The following GRIK1 variants were observed in gnomAD, a reference collection of about 807,000 sequenced individuals.
GRIK1 encodes the protein glutamate receptor ionotropic, kainate 1.
GRIK1 carries 69 observed loss-of-function variants against 105.7 expected under a neutral mutation model. The ratio of observed to expected loss-of-function variants is 0.65; its 90% confidence interval spans 0.54 to 0.80. The LOEUF (loss-of-function observed/expected upper bound fraction) is 0.80. Ranked by LOEUF, GRIK1 falls within the 30% of genes least tolerant of loss-of-function variation. The pLI is 0.00. For missense variants in GRIK1, 1,109 were observed against 1,167.3 expected (o/e 0.95, Z 0.73); for synonymous variants, 438 against 431.3 (o/e 1.02, Z -0.19).
In GRIK1 at chr21:29,939,688, T is replaced by C. The variant is rs962255539; in HGVS notation, c.-188A>G. 1.9e-6 allele frequency: 1 copy of C among 513,298 alleles called. No homozygotes were observed. Among genetic ancestry groups the C allele is most frequent in the African/African-American group, 2.0e-5 (1 of 49,240 alleles). The allele number at this position is 513,298 out of a possible 1,614,324, so 31.8% of individuals were successfully genotyped here. On this transcript the variant is annotated 5_prime_UTR_variant, in exon 1 of 18. Coordinates refer to ENST00000327783, the MANE Select transcript of GRIK1 (RefSeq NM_001330994.2). Reference sequence around the variant, plus strand: ...GCGGAGCTGGCTGGCAAGGCTGAGCTCTCTCGGGGCTCCTCAGTGCTGTCG... The same window carrying C: ...GCGGAGCTGGCTGGCAAGGCTGAGCCCTCTCGGGGCTCCTCAGTGCTGTCG...
intron 1 of GRIK1, among the ~76,000 whole-genome samples, chr21:29,715,508 G>A (rs754186698): frequency 1.3e-5 from 2 of 151,982 alleles, no homozygotes; most frequent in South Asian, 4.1e-4. Flanking sequence ...ATGCAAAAAT[G>A]TGTGGGAAAC....
intron 1 of GRIK1, among the ~76,000 whole-genome samples, chr21:29,716,009 C>A (rs943507328): frequency 1.7e-4 from 26 of 151,890 alleles, no homozygotes; most frequent in Non-Finnish European, 3.1e-4. Context: ...GGGGTGGTTA[C>A]CCCTAAGCTG....
chr21:29,553,311 C>G (rs2090168531), intron 16 of GRIK1: 1 of 1,107,774 alleles, frequency 9.0e-7, no homozygotes, highest in Non-Finnish European at 1.1e-6. Context: ...ATGAGTGGGA[C>G]AGAGAAGATT....
rs536742231 is a variant in GRIK1, at chr21:29,638,454, G to A, written c.1098+4372C>T. On this transcript the variant is annotated intron_variant, in intron 7 of 17. Transcript: ENST00000327783. ...ACTCCACACGTGAGGATATGAATTC[G>A]AGATGAGATTTGAGTGGGGACACAA... Among the ~76,000 whole-genome samples, 206 of 152,260 alleles carry A rather than the reference G, an allele frequency of 1.4e-3. 6 individuals are homozygous for A. The South Asian group carries it at 0.035, about 26-fold the overall frequency.
intron 1 of GRIK1, among the ~76,000 whole-genome samples, chr21:29,768,159 G>A (rs1029528260): frequency 1.3e-5 from 2 of 152,252 alleles, no homozygotes; most frequent in South Asian, 4.2e-4. Flanking sequence ...TCCTTTATGG[G>A]GAAGATGTTC....
rs2062866665 is a variant in GRIK1 at position 29,656,967 on chromosome 21, A to G, written c.727-2104T>C. 2.0e-5 allele frequency among the ~76,000 whole-genome samples: 3 copies of G among 152,196 alleles called. No homozygotes were observed. The South Asian group carries it at 6.2e-4, about 32-fold the overall frequency. ...GGTGACAACAAGACCAGGCACACTA[A>G]AGGATGTTTTTTTTCAAGGGTAGAC... On this transcript the variant is annotated intron_variant, in intron 4 of 17. Transcript: ENST00000327783.
chr21:29,616,770 CTGTG>C (rs2146401306), intron 7 of GRIK1, among the ~76,000 whole-genome samples: 1 of 152,134 alleles, frequency 6.6e-6, no homozygotes, highest in East Asian at 1.9e-4. Context: ...TATTCACAAA[CTGTG>C]AGTGAGAAAA....
At position 29,863,216 on chromosome 21, in the gene GRIK1, G is replaced by C. The variant is rs528089215; in HGVS notation, c.118+76167C>G. Among the ~76,000 whole-genome samples, 11 of 152,250 alleles carry C rather than the reference G, an allele frequency of 7.2e-5. No individual in the cohort carries two copies. In the South Asian group the frequency reaches 2.3e-3, roughly 32 times the overall value. The stretch of plus-strand genomic sequence containing the variant: ...AAATTTGATAAGCTTCTATTGGAGA[G>C]CTTTTATAAAAATACAGATTCTTGA... On this transcript the variant is annotated intron_variant, in intron 1 of 17. Coordinates refer to ENST00000327783, the MANE Select transcript of GRIK1 (RefSeq NM_001330994.2).
At chr21:29,559,269 G>A (rs1023908959) in intron 15 of GRIK1, among the ~76,000 whole-genome samples, 1 of 152,100 alleles carries the variant, frequency 6.6e-6, no homozygotes, top group Non-Finnish European at 1.5e-5. Flanking sequence ...ATAAAAAATA[G>A]CATCTAACTT....
chr21:29,784,901 A>G (rs992797249), intron 1 of GRIK1, among the ~76,000 whole-genome samples: 17 of 152,196 alleles, frequency 1.1e-4, no homozygotes, highest in African/African-American at 3.9e-4. Context: ...ATGTTATCTC[A>G]AGGGGTATTT....
chr21:29,797,834 G>A (rs909557682), intron 1 of GRIK1, among the ~76,000 whole-genome samples: 1 of 152,136 alleles, frequency 6.6e-6, no homozygotes, highest in African/African-American at 2.4e-5. Flanking sequence ...TCTCCCACTA[G>A]ATGAGGTTTC....
At chr21:29,924,094 C>A (rs1280401615) in intron 1 of GRIK1, among the ~76,000 whole-genome samples, 1 of 152,016 alleles carries the variant, frequency 6.6e-6, no homozygotes, top group Non-Finnish European at 1.5e-5. Flanking sequence ...AATCCCAGCA[C>A]TTTGGGAGGC....
At chr21:29,796,201 T>G (rs1054132820) in intron 1 of GRIK1, among the ~76,000 whole-genome samples, 1 of 152,198 alleles carries the variant, frequency 6.6e-6, no homozygotes, top group African/African-American at 2.4e-5. Context: ...TCATTCTTAG[T>G]GGGCTAAATA....
intron 4 of GRIK1, among the ~76,000 whole-genome samples, chr21:29,659,911 G>A (rs187659337): frequency 2.6e-5 from 4 of 152,190 alleles, no homozygotes; most frequent in Admixed American, 1.3e-4. Flanking sequence ...GTGGTGAGCC[G>A]AGATCAGGCC....
chr21:29,592,814 C>T (rs1671134914), intron 9 of GRIK1, among the ~76,000 whole-genome samples: 1 of 152,054 alleles, frequency 6.6e-6, no homozygotes, highest in African/African-American at 2.4e-5. Flanking sequence ...AATCTGGACT[C>T]ATTTTTTTAA....
At chr21:29,759,334 G>T (rs181930438) in intron 1 of GRIK1, among the ~76,000 whole-genome samples, 162 of 152,132 alleles carry the variant, frequency 1.1e-3, no homozygotes, top group African/African-American at 3.1e-3. Flanking sequence ...AGCCAGGATG[G>T]TCTCAAGTCT....
At position 29,689,760 on chromosome 21, in the gene GRIK1, T is replaced by C; in HGVS notation, c.512A>G (p.Lys171Arg). ...ILDLVLYYNW[K>R]TVTVVYEDST... ...GTCTTCATACACCACTGTCACTGTT[T>C]TCCAGTTGTAATAGAGGACCAGATC... Residue 171 changes from lysine (K) to arginine (R), a missense_variant, in exon 3 of 18, where the codon AAA becomes AGA. Physicochemically the swap from Lys to Arg is conservative, Grantham distance 26. This residue lies in a region of GRIK1 where 612 missense variants were observed against 586.0 expected (regional missense o/e 1.04). Coordinates refer to ENST00000327783, the MANE Select transcript of GRIK1 (RefSeq NM_001330994.2). The C allele has an allele frequency of 6.2e-7, 1 of 1,614,032 alleles. No individual in the cohort carries two copies. Among genetic ancestry groups the C allele is most frequent in the Non-Finnish European group, 8.5e-7 (1 of 1,179,924 alleles).
chr21:29,622,275 C>A (rs2062022146), intron 7 of GRIK1, among the ~76,000 whole-genome samples: 1 of 152,136 alleles, frequency 6.6e-6, no homozygotes, highest in Non-Finnish European at 1.5e-5. Flanking sequence ...CTCAAAGAAT[C>A]CTATAGTAAA....
intron 1 of GRIK1, among the ~76,000 whole-genome samples, chr21:29,818,048 G>A (rs1438299002): frequency 2.0e-5 from 3 of 152,006 alleles, no homozygotes; most frequent in African/African-American, 7.2e-5. Flanking sequence ...TTCAACTCAG[G>A]ACCATTTAAC....
Sources: gnomAD v4.1 joint callset for allele counts (sites outside exome capture counted in the v4.1 genomes callset) on GRCh38, gnomAD v4.1.1 for gene constraint, gnomAD v4.1.1 regional missense constraint, MANE v1.5 for transcripts, NCBI Gene and HGNC (gene_info 2026-07-23, HGNC 2026-07-21) for gene names.